COBL: variants seen among roughly 807,000 people sequenced by gnomAD.
COBL encodes cordon-bleu WH2 repeat protein, also known as protein cordon-bleu.
COBL carries 51 observed loss-of-function variants against 98.8 expected under a neutral mutation model. The ratio of observed to expected loss-of-function variants is 0.52; its 90% CI spans 0.41 to 0.65. The LOEUF (loss-of-function observed/expected upper bound fraction) is 0.65. Ranked by LOEUF, COBL falls within the 30% of genes least tolerant of loss-of-function variation. COBL has a pLI of 0.00. For synonymous variants in COBL, 634 were observed against 651.7 expected, an observed-to-expected ratio of 0.97 and a Z score of 0.41; for missense variants, 1,617 against 1,617.5, an observed-to-expected ratio of 1.00 and a Z score of 0.01.
At chr7:51,244,382 C>T (rs1056283552) in intron 1 of COBL, among the ~76,000 whole-genome samples, 4 of 152,230 alleles carry the variant, frequency 2.6e-5, no homozygotes, top group African/African-American at 9.6e-5. Context: ...TTTTCAAATA[C>T]TTCATGGTTT....
chr7:51,161,685 T>C (rs527369235), intron 5 of COBL, among the ~76,000 whole-genome samples: 1 of 152,336 alleles, frequency 6.6e-6, no homozygotes, highest in East Asian at 1.9e-4. Context: ...TTTAACTTTA[T>C]GGTATCAAGA....
chr7:51,315,055 G>A (rs947684724), intron 1 of COBL, among the ~76,000 whole-genome samples: 2 of 152,082 alleles, frequency 1.3e-5, no homozygotes, highest in Non-Finnish European at 2.9e-5. Flanking sequence ...TATTTATAAG[G>A]TGATAGTGAC....
At chr7:51,073,396 A>C (rs73695272) in intron 7 of COBL, 1 of 674,156 alleles carries the variant, frequency 1.5e-6, no homozygotes, top group Non-Finnish European at 2.7e-6. Flanking sequence ...CTGCGGGGGG[A>C]AAATAAATGG....
chr7:51,155,215 C>T (rs938473638), intron 5 of COBL, among the ~76,000 whole-genome samples: 4 of 152,116 alleles, frequency 2.6e-5, no homozygotes, highest in Middle Eastern at 3.2e-3. Context: ...GCTGCAAAGA[C>T]AGGATCAGAA....
chr7:51,273,785 T>C (rs889471723), intron 1 of COBL, among the ~76,000 whole-genome samples: 1 of 152,248 alleles, frequency 6.6e-6, no homozygotes, highest in Non-Finnish European at 1.5e-5. Flanking sequence ...AATTGTTCAA[T>C]AATTAAATAC....
chr7:51,146,270 C>T (rs1785022127), intron 5 of COBL, among the ~76,000 whole-genome samples: 1 of 152,188 alleles, frequency 6.6e-6, no homozygotes, highest in South Asian at 2.1e-4. Flanking sequence ...AATTTGGGTA[C>T]TCTATTATTA....
At chr7:51,114,245 C>CT (rs1308425887) in intron 6 of COBL, among the ~76,000 whole-genome samples, 1 of 151,984 alleles carries the variant, frequency 6.6e-6, no homozygotes, top group East Asian at 1.9e-4. Flanking sequence ...CCAGGGATGA[C>CT]TTTTTTCTCA....
At chr7:51,265,369 C>T (rs531383278) in intron 1 of COBL, among the ~76,000 whole-genome samples, 1 of 152,282 alleles carries the variant, frequency 6.6e-6, no homozygotes, top group East Asian at 1.9e-4. Flanking sequence ...CATCCACTGA[C>T]CCCAGCACGC....
chr7:51,126,503 C>A (rs552518987), intron 6 of COBL, among the ~76,000 whole-genome samples: 19 of 152,278 alleles, frequency 1.2e-4, no homozygotes, highest in African/African-American at 4.1e-4. Flanking sequence ...TGCCTGAGTG[C>A]CCTTCTTGGG....
chr7:51,018,425 C>T (rs982489586), intron 12 of COBL: 8 of 152,268 alleles, frequency 5.3e-5, no homozygotes, highest in African/African-American at 1.9e-4. Flanking sequence ...TGTCTTGACA[C>T]TGGGCGCACC....
Position 51,316,594 on chromosome 7 carries a change from C to A in COBL, c.40G>T (p.Gly14Trp). 2 of 1,207,162 alleles carry A rather than the reference C, an allele frequency of 1.7e-6. No individual in the cohort carries two copies. The highest frequency in any genetic ancestry group is 2.1e-6 in the Non-Finnish European group (2 of 972,154). The allele number at this position is 1,207,162 out of a possible 1,614,324, so 74.8% of individuals were successfully genotyped here. A position where few individuals can be genotyped will look rare whatever the true frequency, so the allele number is the denominator to read the frequency against. Residue 14 changes from glycine (G) to tryptophan (W), a missense_variant and splice_region_variant, in exon 1 of 13, where the codon GGG (glycine) becomes TGG (tryptophan). By Grantham distance (184) the Gly-to-Trp change is radical (BLOSUM62 -2). Transcript: ENST00000265136. ...CCGCCCGACCGCGGGGCCGCTTACC[C>A]GGTCGGGGGCTTGGCCGCCGAGGCG... ...PRASAAKPPT[G>W]RKMKARAPPP...
intron 1 of COBL, among the ~76,000 whole-genome samples, chr7:51,284,129 C>T (rs965677306): frequency 1.5e-5 from 1 of 66,242 alleles, no homozygotes; most frequent in Non-Finnish European, 2.6e-5. Flanking sequence ...ACCAAAAATA[C>T]AAAAAAAAAA....
At chr7:51,173,915 C>T (rs1325274740) in intron 5 of COBL, among the ~76,000 whole-genome samples, 1 of 152,014 alleles carries the variant, frequency 6.6e-6, no homozygotes, top group Admixed American at 6.5e-5. Flanking sequence ...CATTCACACA[C>T]ATATGACACA....
At chr7:51,174,161 C>A (rs566567717) in intron 5 of COBL, among the ~76,000 whole-genome samples, 6 of 152,214 alleles carry the variant, frequency 3.9e-5, no homozygotes, top group African/African-American at 1.4e-4. Context: ...TGATTAATGG[C>A]AAGGACTTTG....
At chr7:51,122,343 T>C (rs541987451) in intron 6 of COBL, among the ~76,000 whole-genome samples, 1 of 152,166 alleles carries the variant, frequency 6.6e-6, no homozygotes, top group South Asian at 2.1e-4. Flanking sequence ...CAGTGGGAGG[T>C]GCCACAGGTT....
chr7:51,028,177 G>T lies in COBL; in HGVS notation c.2919C>A (p.Ser973Arg). 1 of 1,614,256 alleles carries T rather than the reference G, an allele frequency of 6.2e-7. No individual in the cohort carries two copies. ...AAGACTGAACCAGTGAGAAACAGGA[G>T]CTTCTGTGGATAGCAGCAGGTCTGT... The part of the protein sequence containing the change: ...TQDRPAAIHR[S>R]SCFSLVQSSQ... The change falls in exon 10 of 13, where the codon AGC becomes AGA. Residue 973 changes from serine to arginine, a missense_variant. Ser to Arg is a moderately radical substitution (Grantham distance 110). This residue lies in a region of COBL where 1,304 missense variants were observed against 1,282.0 expected (regional missense o/e 1.02). Transcript: ENST00000265136.
chr7:51,063,208 C>T (rs921923503), intron 7 of COBL, among the ~76,000 whole-genome samples: 4 of 151,140 alleles, frequency 2.6e-5, no homozygotes, highest in Non-Finnish European at 5.9e-5. Flanking sequence ...GATCTTGGCG[C>T]ACTGCAACCT....
chr7:51,159,307 T>C (rs757538766), intron 5 of COBL, among the ~76,000 whole-genome samples: 1 of 152,024 alleles, frequency 6.6e-6, no homozygotes, highest in Non-Finnish European at 1.5e-5. Context: ...AGATCCTAGA[T>C]GTATCTTGAA....
intron 5 of COBL, among the ~76,000 whole-genome samples, chr7:51,165,178 G>C (rs1045770357): frequency 1.3e-5 from 2 of 151,872 alleles, no homozygotes; most frequent in East Asian, 1.9e-4. Flanking sequence ...CAGACTGGCT[G>C]TATGAATGAA....
Sources: allele counts gnomAD v4.1 joint callset (sites outside exome capture counted in the v4.1 genomes callset), GRCh38; gene constraint gnomAD v4.1.1; regional missense constraint gnomAD v4.1.1; transcripts MANE v1.5; gene names NCBI Gene and HGNC (gene_info 2026-07-23, HGNC 2026-07-21).